ARHGEF11: variants seen among roughly 807,000 people sequenced by gnomAD.
ARHGEF11 encodes the protein Rho guanine exchange factor (GEF) 11.
In ARHGEF11, 55 loss-of-function variants were observed where a neutral mutation model predicts 193.7. The ratio of observed to expected loss-of-function variants is 0.28; its 90% CI spans 0.23 to 0.36. The LOEUF is 0.36. Among genes scored for constraint, ARHGEF11 ranks in the 10% least tolerant of loss-of-function variants. The pLI, the probability that ARHGEF11 is intolerant of heterozygous loss-of-function variation, is 1.00. For missense variants in ARHGEF11, 1,723 were observed against 2,005.6 expected, an observed-to-expected ratio of 0.86 and a Z score of 2.69; for synonymous variants, 693 against 768.0, an observed-to-expected ratio of 0.90 and a Z score of 1.62.
chr1:156,968,100 G>A lies in ARHGEF11; in HGVS notation c.850C>T (p.Leu284=). Residue 284 remains leucine (L), a synonymous_variant, in exon 11 of 41, where the codon CTG becomes TTG. Coordinates refer to ENST00000368194, the MANE Select transcript of ARHGEF11 (RefSeq NM_198236.3). ...GGACTGTCTAGCCCAGGGTCTGACA[G>A]TACCGAGTTCCGATTCATCAATGAC... ...SESLMNRNSV[L]SDPGLDSPRT... 1 of 1,612,148 alleles carries A rather than the reference G, an allele frequency of 6.2e-7. No individual in the cohort carries two copies. Among genetic ancestry groups the A allele is most frequent in the Non-Finnish European group, 8.5e-7 (1 of 1,178,652 alleles).
chr1:156,984,316 G>A (rs748850711), intron 3 of ARHGEF11, 23 bp downstream of exon 3: 1 of 1,557,194 alleles, frequency 6.4e-7, no homozygotes, highest in Non-Finnish European at 8.7e-7. Context: ...GTCCACCGTG[G>A]GCAGGAGGGA....
chr1:157,044,567 A>G lies in ARHGEF11; in HGVS notation c.-237T>C. On this transcript the variant is annotated 5_prime_UTR_variant, in exon 1 of 41. Transcript: ENST00000368194. ...CCCCCGCTTTAAAAAAAAAGAAAAG[A>G]AAAGAAAAAAGAAAAAAAAAGGAAA... 2.1e-6 allele frequency: 1 copy of G among 466,398 alleles called. No homozygotes were observed. Among genetic ancestry groups the G allele is most frequent in the East Asian group, 3.1e-5 (1 of 32,604 alleles). The allele number at this position is 466,398 out of a possible 1,614,324, so 28.9% of individuals were successfully genotyped here. A position where few individuals can be genotyped will look rare whatever the true frequency, so the allele number is the denominator to read the frequency against.
rs72994708 is a variant in ARHGEF11, at chr1:157,027,389, A to C, written c.32+16910T>G. Reference sequence around the variant, plus strand: ...AGAGTGAGACCCTGTCTCACACACAAAAAAAAGAGTGCTGTCTGGTTGTGG... The same window carrying C: ...AGAGTGAGACCCTGTCTCACACACACAAAAAAGAGTGCTGTCTGGTTGTGG... On this transcript the variant is annotated intron_variant, in intron 1 of 40. Coordinates refer to ENST00000368194, the MANE Select transcript of ARHGEF11 (RefSeq NM_198236.3). Among the ~76,000 whole-genome samples the C allele has an allele frequency of 4.1e-3, 622 of 152,238 alleles. 3 individuals carry two copies. Among genetic ancestry groups the C allele is most frequent in the African/African-American group, 0.013 (537 of 41,532 alleles).
At chr1:156,963,961 ATAGAG>A (rs553343332) in intron 11 of ARHGEF11, among the ~76,000 whole-genome samples, 187 of 152,302 alleles carry the variant, frequency 1.2e-3, no homozygotes, top group African/African-American at 4.0e-3. Flanking sequence ...GTTTTACTTA[ATAGAG>A]TAAACAGCCA....
At chr1:156,958,283 C>T (rs1660259773) in intron 17 of ARHGEF11, among the ~76,000 whole-genome samples, 1 of 152,178 alleles carries the variant, frequency 6.6e-6, no homozygotes, top group African/African-American at 2.4e-5. Flanking sequence ...CCAGAAGCAC[C>T]TTAGTATATT....
At position 156,948,786 on chromosome 1, in the gene ARHGEF11, TA is replaced by T; in HGVS notation, c.1926-289del. On this transcript the variant is annotated intron_variant, in intron 22 of 40. Transcript: ENST00000368194. This position sits in a 1 kb window ranked among gnomAD's most constrained non-coding sequence, Gnocchi z 4.2. The stretch of plus-strand genomic sequence containing the variant: ...CTAACAGGAAGATGAAATCTGGGGC[TA>T]ACAGACTCTGAGTTGTAGTGTGTCC... The T allele has an allele frequency of 1.0e-6, 1 of 985,442 alleles. No individual in the cohort carries two copies. Among genetic ancestry groups the T allele is most frequent in the Non-Finnish European group, 1.2e-6 (1 of 829,938 alleles). 61.0% of individuals were successfully genotyped at this position (985,442 alleles called of 1,614,324 possible). A position where few individuals can be genotyped will look rare whatever the true frequency, so the allele number is the denominator to read the frequency against.
At chr1:157,016,237 T>A (rs1669213814) in intron 1 of ARHGEF11, among the ~76,000 whole-genome samples, 1 of 152,160 alleles carries the variant, frequency 6.6e-6, no homozygotes, top group Non-Finnish European at 1.5e-5. Context: ...TTATTTTATC[T>A]TTTTATTTTT....
At chr1:157,019,271 A>G (rs956297956) in intron 1 of ARHGEF11, among the ~76,000 whole-genome samples, 2 of 152,246 alleles carry the variant, frequency 1.3e-5, no homozygotes, top group East Asian at 1.9e-4. Flanking sequence ...AGGCATATAC[A>G]TGACAAAATG....
At position 156,971,775 on chromosome 1, in the gene ARHGEF11, C is replaced by T. The variant is rs746543481; in HGVS notation, c.624G>A (p.Leu208=). 2 of 1,613,898 alleles carry T rather than the reference C, an allele frequency of 1.2e-6. No homozygotes were observed. Among genetic ancestry groups the T allele is most frequent in the Admixed American group, 3.3e-5 (2 of 60,012 alleles). The change falls in exon 8 of 41, where the codon CTG becomes CTA. Residue 208 remains leucine (L), a synonymous_variant. Coordinates refer to ENST00000368194, the MANE Select transcript of ARHGEF11 (RefSeq NM_198236.3). ...EVYSRNPASL[L]EEQIEGARRR... ...GCCGGGCACCTTCGATCTGCTCTTC[C>T]AGTAGGCTGGCGGGGTTCCGGCTAT...
chr1:156,963,522 C>T lies in ARHGEF11; in HGVS notation c.1036G>A (p.Glu346Lys), dbSNP rs1407946889. The change falls in exon 12 of 41, where the codon GAG becomes AAG. Residue 346 changes from glutamate to lysine, a missense_variant and splice_region_variant. Physicochemically the swap from Glu to Lys is moderately conservative, Grantham distance 56. Coordinates refer to ENST00000368194, the MANE Select transcript of ARHGEF11 (RefSeq NM_198236.3). ...GGAGAAAACTAGGAAACCGTTACCT[C>T]GTTGTTGAAATAACCCGGGTCATAG... ...EDYDPGYFNNESDIIFQDLEK... is the reference protein window; with the variant it reads ...EDYDPGYFNNKSDIIFQDLEK... The T allele has an allele frequency of 5.0e-6, 8 of 1,613,102 alleles. No individual in the cohort carries two copies. In the Admixed American group the frequency reaches 8.4e-5, roughly 17 times the overall value.
At chr1:156,951,865 A>G (rs1659164967) in intron 21 of ARHGEF11, among the ~76,000 whole-genome samples, 166 bp from the exon 22 acceptor site, 1 of 152,084 alleles carries the variant, frequency 6.6e-6, no homozygotes. Flanking sequence ...TCTTCTATGA[A>G]TATGCTGTGT....
At position 156,954,922 on chromosome 1, in the gene ARHGEF11, C is replaced by G. The variant is rs776669835; in HGVS notation, c.1769-1G>C. ...ACAGGGGACAAGGGAATATGAAATG[C>G]TAAAAGAAAAACAAACAAAAACAAA... is the stretch of plus-strand genomic sequence containing the variant. On this transcript the variant is annotated splice_acceptor_variant, in intron 20 of 40. Coordinates refer to ENST00000368194, the MANE Select transcript of ARHGEF11 (RefSeq NM_198236.3). LOFTEE classifies it high-confidence loss of function. 1 of 1,605,560 alleles carries G rather than the reference C, an allele frequency of 6.2e-7. No homozygotes were observed. The highest frequency in any genetic ancestry group is 8.5e-7 in the Non-Finnish European group (1 of 1,177,234).
At position 156,948,802 on chromosome 1, in the gene ARHGEF11, G is replaced by T. The variant is rs956625475; in HGVS notation, c.1926-304C>A. The T allele has an allele frequency of 1.0e-6, 1 of 985,438 alleles. No individual in the cohort carries two copies. The highest frequency in any genetic ancestry group is 1.2e-6 in the Non-Finnish European group (1 of 829,932). The allele number at this position is 985,438 out of a possible 1,614,324, so 61.0% of individuals were successfully genotyped here. A position where few individuals can be genotyped will look rare whatever the true frequency, so the allele number is the denominator to read the frequency against. On this transcript the variant is annotated intron_variant, in intron 22 of 40. Transcript: ENST00000368194. The surrounding 1 kb of genome is among the most constrained non-coding windows in gnomAD (Gnocchi z 4.2). ...ATCTGGGGCTAACAGACTCTGAGTT[G>T]TAGTGTGTCCAGAGGCCTGAGACAC...
intron 1 of ARHGEF11, among the ~76,000 whole-genome samples, chr1:157,039,419 C>T (rs994626313): frequency 6.6e-6 from 1 of 152,228 alleles, no homozygotes; most frequent in Non-Finnish European, 1.5e-5. Context: ...CCATCATCCA[C>T]GTCTACTAAC....
At chr1:156,997,981 G>T (rs1255497220) in intron 1 of ARHGEF11, among the ~76,000 whole-genome samples, 1 of 152,074 alleles carries the variant, frequency 6.6e-6, no homozygotes, top group Non-Finnish European at 1.5e-5. Flanking sequence ...CTCTCCAGTG[G>T]TGAGACCTCC....
chr1:157,046,882 G>T (rs1673361307), upstream of ARHGEF11, among the ~76,000 whole-genome samples: 1 of 151,534 alleles, frequency 6.6e-6, no homozygotes, highest in Non-Finnish European at 1.5e-5. Context: ...GTGGTGGCGC[G>T]TGCCTGTAAT....
In ARHGEF11 at chr1:156,948,691, T is replaced by A; in HGVS notation, c.1926-193A>T. The A allele has an allele frequency of 6.5e-7, 1 of 1,527,058 alleles. No individual in the cohort carries two copies. The highest frequency in any genetic ancestry group is 1.2e-5 in the South Asian group (1 of 83,100). 94.6% of individuals were successfully genotyped at this position (1,527,058 alleles called of 1,614,324 possible). A position where few individuals can be genotyped will look rare whatever the true frequency, so the allele number is the denominator to read the frequency against. On this transcript the variant is annotated intron_variant, in intron 22 of 40. Transcript: ENST00000368194. This position sits in a 1 kb window ranked among gnomAD's most constrained non-coding sequence, Gnocchi z 4.2. ...AGACTATTTTTGCTGCTCTACAAAC[T>A]CCTCCTCTCTCCCCAGCCTAGCCTG... is the stretch of plus-strand genomic sequence containing the variant.
At chr1:156,988,561 G>A (rs917224760) in intron 1 of ARHGEF11, among the ~76,000 whole-genome samples, 3 of 152,158 alleles carry the variant, frequency 2.0e-5, no homozygotes, top group African/African-American at 7.2e-5. Flanking sequence ...AGCCTAGAAG[G>A]TGCATCTGAA....
At chr1:156,977,684 A>G (rs2102381235) in intron 6 of ARHGEF11, among the ~76,000 whole-genome samples, 1 of 152,190 alleles carries the variant, frequency 6.6e-6, no homozygotes, top group African/African-American at 2.4e-5. Flanking sequence ...AAAGTGTTGG[A>G]ATTACAGGTG....
Sources: allele counts gnomAD v4.1 joint callset (sites outside exome capture counted in the v4.1 genomes callset), GRCh38; gene constraint gnomAD v4.1.1; non-coding constraint Gnocchi (gnomAD v3.1); transcripts MANE v1.5; gene names NCBI Gene and HGNC (gene_info 2026-07-23, HGNC 2026-07-21).